The following SH3PXD2B variants were observed in gnomAD, a reference collection of about 807,000 sequenced individuals.
SH3PXD2B encodes SH3 and PX domains 2B.
A neutral mutation model predicts 73.1 loss-of-function variants in SH3PXD2B; 37 were observed. The observed-to-expected ratio is 0.51, with a 90% confidence interval of 0.39 to 0.67. The LOEUF is 0.67. SH3PXD2B is among the 30% of genes least tolerant of loss of function. The probability of loss-of-function intolerance (pLI) is 0.00; values close to 1 mark genes in which losing one functional copy is unlikely to be tolerated. For synonymous variants in SH3PXD2B, 457 were observed against 480.5 expected, an observed-to-expected ratio of 0.95 and a Z score of 0.64; for missense variants, 1,053 against 1,197.8, an observed-to-expected ratio of 0.88 and a Z score of 1.78.
Position 172,390,860 on chromosome 5 carries a change from T to TGA in SH3PXD2B, c.309+3701_309+3702dup, listed in dbSNP as rs1554138686. On this transcript the variant is annotated intron_variant, in intron 4 of 12. Coordinates refer to ENST00000311601, the MANE Select transcript of SH3PXD2B (RefSeq NM_001017995.3). ...GTGTGTGTGTGTGTGTGTGTGTGTG[T>TGA]GACAGAGTTTTGCCCTTGTTGCCCA... Among the ~76,000 whole-genome samples the TGA allele has an allele frequency of 1.6e-4, 23 of 142,900 alleles. No homozygotes were observed. In the East Asian group the frequency reaches 1.8e-3, roughly 11 times the overall value. The allele number at this position is 142,900 out of a possible 152,430, so 93.7% of individuals were successfully genotyped here. A position where few individuals can be genotyped will look rare whatever the true frequency, so the allele number is the denominator to read the frequency against.
rs1040087181 is a variant in SH3PXD2B at position 172,421,586 on chromosome 5, G to T, written c.156+830C>A. Reference sequence around the variant, plus strand: ...CACAGAGCTGTAGGGGCACAGAATGGGTGGCCCTCGCTGGCCAGGGAACAA... The same window carrying T: ...CACAGAGCTGTAGGGGCACAGAATGTGTGGCCCTCGCTGGCCAGGGAACAA... On this transcript the variant is annotated intron_variant, in intron 2 of 12. Coordinates refer to ENST00000311601, the MANE Select transcript of SH3PXD2B (RefSeq NM_001017995.3). This position sits in a 1 kb window ranked among gnomAD's most constrained non-coding sequence, Gnocchi z 4.0. 3.9e-5 allele frequency among the ~76,000 whole-genome samples: 6 copies of T among 152,146 alleles called. No homozygotes were observed. The highest frequency in any genetic ancestry group is 6.5e-5 in the Admixed American group (1 of 15,276).
chr5:172,449,259 G>C (rs1424728151), intron 1 of SH3PXD2B, among the ~76,000 whole-genome samples: 1 of 152,198 alleles, frequency 6.6e-6, no homozygotes, highest in East Asian at 1.9e-4. Context: ...AAGGGCCTGG[G>C]ATGGCCCCAG....
At chr5:172,387,543 C>G (rs916657648) in intron 4 of SH3PXD2B, among the ~76,000 whole-genome samples, 5 of 152,202 alleles carry the variant, frequency 3.3e-5, no homozygotes, top group Non-Finnish European at 7.3e-5. Flanking sequence ...AGGGTTCAGC[C>G]TCTTCTTGAG....
intron 8 of SH3PXD2B, among the ~76,000 whole-genome samples, chr5:172,357,224 G>C (rs548388788): frequency 4.6e-5 from 7 of 151,486 alleles, no homozygotes; most frequent in African/African-American, 1.7e-4. Context: ...AGGAGTTCGA[G>C]ATCAGCCTGG....
chr5:172,326,791 T>A (rs1410144980), intron 12 of SH3PXD2B, among the ~76,000 whole-genome samples: 1 of 152,058 alleles, frequency 6.6e-6, no homozygotes, highest in Non-Finnish European at 1.5e-5. Context: ...GCCCCAAATA[T>A]TTACTATCTG....
chr5:172,392,341 C>T (rs1210033680), intron 4 of SH3PXD2B, among the ~76,000 whole-genome samples: 1 of 152,144 alleles, frequency 6.6e-6, no homozygotes. Flanking sequence ...GGTCAGAAGG[C>T]CCTGCTGCCT....
intron 6 of SH3PXD2B, among the ~76,000 whole-genome samples, chr5:172,367,695 C>T (rs1328445232): frequency 2.0e-5 from 3 of 152,140 alleles, no homozygotes; most frequent in South Asian, 2.1e-4. Flanking sequence ...GGTCATGTAA[C>T]GAAGCCCCAG....
Position 172,454,344 on chromosome 5 carries a change from C to G in SH3PXD2B, c.9G>C (p.Pro3=), listed in dbSNP as rs1369908451. 5.9e-6 allele frequency: 9 copies of G among 1,523,998 alleles called. No homozygotes were observed. Among genetic ancestry groups the G allele is most frequent in the Non-Finnish European group, 7.9e-6 (9 of 1,138,184 alleles). 94.4% of individuals were successfully genotyped at this position (1,523,998 alleles called of 1,614,324 possible). ...CCTTCACCTCCACGATGCTGCGCCG[C>G]GGCGGCATGGCCGCTCCTCCGCCCG... The part of the protein sequence containing the change: MP[P]RRSIVEVKVL... The change falls in exon 1 of 13, where the codon CCG becomes CCC. Residue 3 remains proline (P), a synonymous_variant. Coordinates refer to ENST00000311601, the MANE Select transcript of SH3PXD2B (RefSeq NM_001017995.3).
intron 2 of SH3PXD2B, 53 bp from the exon 3 acceptor site, chr5:172,406,405 T>C: frequency 6.4e-7 from 1 of 1,559,556 alleles, no homozygotes; most frequent in Non-Finnish European, 8.8e-7. Flanking sequence ...GCACTAAACA[T>C]CATCTAGGAC....
chr5:172,337,789 G>A lies in SH3PXD2B; in HGVS notation c.*580C>T. 1 of 996,148 alleles carries A rather than the reference G, an allele frequency of 1.0e-6. No homozygotes were observed. The highest frequency in any genetic ancestry group is 1.2e-6 in the Non-Finnish European group (1 of 836,038). 61.7% of individuals were successfully genotyped at this position (996,148 alleles called of 1,614,324 possible). On this transcript the variant is annotated 3_prime_UTR_variant, in exon 13 of 13. Transcript: ENST00000311601. ...GGGAGCCGCATCCAGTGGAACCTCA[G>A]AGGCCCACGGGCCTGAGGCTTTGGG...
chr5:172,348,710 T>TC (rs1561896956), intron 10 of SH3PXD2B, among the ~76,000 whole-genome samples: 819 of 28,052 alleles, frequency 0.029, 6 homozygotes, highest in East Asian at 0.092. Context: ...TATCTATCTA[T>TC]TTATTTATTT....
intron 3 of SH3PXD2B, among the ~76,000 whole-genome samples, chr5:172,397,914 C>A (rs151322035): frequency 6.6e-6 from 1 of 152,108 alleles, no homozygotes; most frequent in Non-Finnish European, 1.5e-5. Context: ...GAAAACAGGG[C>A]GGGTTTAGGT....
chr5:172,451,734 T>G (rs908789597), intron 1 of SH3PXD2B, among the ~76,000 whole-genome samples: 1 of 152,174 alleles, frequency 6.6e-6, no homozygotes, highest in Admixed American at 6.5e-5. Context: ...GGCCTGCCAA[T>G]AGCTGCCTTC....
intron 12 of SH3PXD2B, among the ~76,000 whole-genome samples, chr5:172,326,787 A>C (rs1190602046): frequency 6.6e-6 from 1 of 152,058 alleles, no homozygotes. Context: ...CAAAGCCCCA[A>C]ATATTTACTA....
rs767904119 is a variant in SH3PXD2B at position 172,338,543 on chromosome 5, CAA to C, written c.2560_2561del (p.Leu854ValfsTer8). 6 of 1,614,088 alleles carry C rather than the reference CAA, an allele frequency of 3.7e-6. No homozygotes were observed. The highest frequency in any genetic ancestry group is 1.6e-4 in the Middle Eastern group (1 of 6,084). On this transcript the variant is annotated frameshift_variant, in exon 13 of 13. Coordinates refer to ENST00000311601, the MANE Select transcript of SH3PXD2B (RefSeq NM_001017995.3). LOFTEE classifies it high-confidence loss of function. The surrounding 1 kb of genome is among the most constrained non-coding windows in gnomAD (Gnocchi z 5.1). ...VPNADGLKDS[L>X]YVAVADFEGD... Reference sequence around the variant, plus strand: ...CTTCAAAGTCGGCCACGGCCACATACAAAGAGTCCTTCAGGCCGTCGGCATTG... The same window carrying C: ...CTTCAAAGTCGGCCACGGCCACATACAGAGTCCTTCAGGCCGTCGGCATTG...
Position 172,349,491 on chromosome 5 carries a change from A to C in SH3PXD2B, c.1012+872T>G, listed in dbSNP as rs146560454. Among the ~76,000 whole-genome samples, 873 of 152,308 alleles carry C rather than the reference A, an allele frequency of 5.7e-3. 2 individuals are homozygous for C. Among genetic ancestry groups the C allele is most frequent in the Middle Eastern group, 0.014 (4 of 294 alleles). On this transcript the variant is annotated intron_variant, in intron 10 of 12. Transcript: ENST00000311601. Reference sequence around the variant, plus strand: ...ATTAAATGGTAAAATATACACGAGGAGGCTTTGAAAAGCAAGATGGGAGAG... The same window carrying C: ...ATTAAATGGTAAAATATACACGAGGCGGCTTTGAAAAGCAAGATGGGAGAG...
chr5:172,379,571 A>G (rs941373028), intron 5 of SH3PXD2B, among the ~76,000 whole-genome samples: 7 of 152,200 alleles, frequency 4.6e-5, no homozygotes, highest in African/African-American at 9.7e-5. Flanking sequence ...TGCTGAGGGT[A>G]TATCAGGCTG....
chr5:172,406,358 T>A lies in SH3PXD2B; in HGVS notation c.157-6A>T, dbSNP rs371631349. The A allele has an allele frequency of 2.4e-5, 38 of 1,613,990 alleles. No individual in the cohort carries two copies. In the African/African-American group the frequency reaches 4.1e-4, roughly 18 times the overall value. The stretch of plus-strand genomic sequence containing the variant: ...AATTTGTCCAACATCTGCATCTAAG[T>A]GGGGGGCGAATACCAAAAACAAAAA... On this transcript the variant is annotated splice_polypyrimidine_tract_variant and splice_region_variant and intron_variant, in intron 2 of 12. Coordinates refer to ENST00000311601, the MANE Select transcript of SH3PXD2B (RefSeq NM_001017995.3).
intron 4 of SH3PXD2B, among the ~76,000 whole-genome samples, chr5:172,385,701 G>A (rs949013243): frequency 6.6e-6 from 1 of 152,234 alleles, no homozygotes; most frequent in Non-Finnish European, 1.5e-5. Flanking sequence ...AGAAGGGGAA[G>A]GGACAACGAG....
Sources: gnomAD v4.1 joint callset for allele counts (sites outside exome capture counted in the v4.1 genomes callset) on GRCh38, gnomAD v4.1.1 for gene constraint, Gnocchi (gnomAD v3.1) non-coding constraint, MANE v1.5 for transcripts, NCBI Gene and HGNC (gene_info 2026-07-23, HGNC 2026-07-21) for gene names.